TBC1D12: variants seen among roughly 807,000 people sequenced by gnomAD.
TBC1D12 encodes the protein TBC1 domain family member 12.
TBC1D12 carries 56 observed loss-of-function variants against 86.7 expected under a neutral mutation model. That is an observed-to-expected ratio of 0.65 (90% CI 0.52 to 0.81). The LOEUF (loss-of-function observed/expected upper bound fraction) is 0.81. Ranked by LOEUF, TBC1D12 falls within the 30% of genes least tolerant of loss-of-function variation. TBC1D12 has a pLI of 0.00. For missense variants in TBC1D12, 1,023 were observed against 1,038.8 expected (o/e 0.98, Z 0.21); for synonymous variants, 421 against 411.7 (o/e 1.02, Z -0.27).
At chr10:94,475,765 C>T (rs1356957675) in intron 3 of TBC1D12, among the ~76,000 whole-genome samples, 1 of 152,196 alleles carries the variant, frequency 6.6e-6, no homozygotes, top group African/African-American at 2.4e-5. Context: ...CTCAGCAAAA[C>T]ATCTTAAATT....
At chr10:94,440,268 A>C (rs1444175807) in intron 1 of TBC1D12, among the ~76,000 whole-genome samples, 1 of 151,850 alleles carries the variant, frequency 6.6e-6, no homozygotes, top group East Asian at 1.9e-4. Flanking sequence ...TCCTGGGCCC[A>C]AGTGATTGTC....
intron 1 of TBC1D12, among the ~76,000 whole-genome samples, chr10:94,421,899 T>C (rs2055079048): frequency 6.6e-6 from 1 of 152,350 alleles, no homozygotes; most frequent in African/African-American, 2.4e-5. Context: ...TGTTAAATTA[T>C]TTGAGTTCTT....
chr10:94,531,739 G>GTTATTTTATTTTATT (rs1310391369), intron 12 of TBC1D12, among the ~76,000 whole-genome samples: 1 of 82,792 alleles, frequency 1.2e-5, no homozygotes, highest in African/African-American at 4.0e-5. Flanking sequence ...TTTATGTTAT[G>GTTATTTTATTTTATT]TTATTTTATG....
chr10:94,428,755 G>T (rs558365465), intron 1 of TBC1D12, among the ~76,000 whole-genome samples: 1 of 152,104 alleles, frequency 6.6e-6, no homozygotes, highest in African/African-American at 2.4e-5. Context: ...CTGTTGCCCA[G>T]GCTGGAGTGC....
intron 1 of TBC1D12, among the ~76,000 whole-genome samples, chr10:94,429,401 C>A (rs1026120040): frequency 1.3e-5 from 2 of 151,882 alleles, no homozygotes; most frequent in Non-Finnish European, 2.9e-5. Context: ...AAAAACCCTA[C>A]TTTTTTTGCA....
intron 11 of TBC1D12, 100 bp from the exon 12 acceptor site, chr10:94,531,102 A>G: frequency 7.4e-7 from 1 of 1,345,838 alleles, no homozygotes; most frequent in Non-Finnish European, 1.0e-6. Flanking sequence ...TTGCCTTCTT[A>G]TCCCTAATTA....
intron 1 of TBC1D12, among the ~76,000 whole-genome samples, chr10:94,423,510 G>A (rs2134065538): frequency 6.6e-6 from 1 of 152,080 alleles, no homozygotes; most frequent in African/African-American, 2.4e-5. Flanking sequence ...ACCACGCCCG[G>A]CTAATTTTTT....
intron 2 of TBC1D12, among the ~76,000 whole-genome samples, chr10:94,457,093 T>C (rs1019463909): frequency 1.3e-5 from 2 of 152,198 alleles, no homozygotes; most frequent in African/African-American, 4.8e-5. Context: ...TTAACCTAAT[T>C]TAATTTAATT....
chr10:94,449,772 C>G (rs980109410), intron 2 of TBC1D12, among the ~76,000 whole-genome samples: 4 of 152,206 alleles, frequency 2.6e-5, no homozygotes, highest in Non-Finnish European at 4.4e-5. Flanking sequence ...TTTTGGCTCT[C>G]TCCTTGTCTT....
At chr10:94,525,874 C>T (rs773203970) in intron 11 of TBC1D12, among the ~76,000 whole-genome samples, 1 of 151,964 alleles carries the variant, frequency 6.6e-6, no homozygotes, top group Non-Finnish European at 1.5e-5. Context: ...TGTTTCTGTA[C>T]ATATAATGTA....
chr10:94,448,092 A>G (rs2055497049), intron 2 of TBC1D12, among the ~76,000 whole-genome samples: 1 of 152,084 alleles, frequency 6.6e-6, no homozygotes, highest in Admixed American at 6.5e-5. Context: ...AAATTTTGAC[A>G]GGCAAGGAAA....
intron 11 of TBC1D12, among the ~76,000 whole-genome samples, chr10:94,522,792 A>G (rs552827980): frequency 1.3e-5 from 2 of 151,796 alleles, no homozygotes; most frequent in African/African-American, 4.8e-5. Context: ...ACGGTGGCTC[A>G]TGCCTGTAAT....
Position 94,402,622 on chromosome 10 carries a change from T to C in TBC1D12, c.9T>C (p.Gly3=). The C allele has an allele frequency of 6.2e-7, 1 of 1,611,780 alleles. No homozygotes were observed. The highest frequency in any genetic ancestry group is 1.3e-5 in the African/African-American group (1 of 74,910). Residue 3 remains glycine, a synonymous_variant, in exon 1 of 13, where the codon GGT becomes GGC. Coordinates refer to ENST00000225235, the MANE Select transcript of TBC1D12 (RefSeq NM_015188.2). ...CCGCCACCCACCCCCAGATGGTGGG[T>C]CCGGAGGATGCCGGAGCCTGCTCGG... The part of the protein sequence containing the change: MV[G]PEDAGACSGR...
chr10:94,432,255 G>A (rs2055227731), intron 1 of TBC1D12, among the ~76,000 whole-genome samples: 3 of 152,022 alleles, frequency 2.0e-5, no homozygotes, highest in Non-Finnish European at 2.9e-5. Context: ...AGTAGATCGC[G>A]AGACAAGGGA....
intron 2 of TBC1D12, among the ~76,000 whole-genome samples, chr10:94,470,853 C>A (rs1480352746): frequency 1.3e-5 from 2 of 151,744 alleles, no homozygotes; most frequent in African/African-American, 4.9e-5. Context: ...TGAGCTCATA[C>A]AATGTTTTAA....
chr10:94,504,064 T>C (rs899246222), intron 6 of TBC1D12, among the ~76,000 whole-genome samples: 38 of 152,244 alleles, frequency 2.5e-4, no homozygotes, highest in African/African-American at 8.9e-4. Context: ...TACTTTTGCT[T>C]TCTGAGTTTG....
At chr10:94,518,179 C>A (rs775957974) in intron 9 of TBC1D12, among the ~76,000 whole-genome samples, 1 of 151,840 alleles carries the variant, frequency 6.6e-6, no homozygotes, top group Admixed American at 6.6e-5. Context: ...TCTCCTAGGA[C>A]TCTCCCTCAA....
rs1033530414 is a variant in TBC1D12, at chr10:94,493,274, T to A, written c.1212-91T>A. The A allele has an allele frequency of 1.6e-5, 15 of 926,942 alleles. 2 individuals carry two copies. The Admixed American group carries it at 2.4e-4, about 15-fold the overall frequency. 57.4% of individuals were successfully genotyped at this position (926,942 alleles called of 1,614,324 possible). A position where few individuals can be genotyped will look rare whatever the true frequency, so the allele number is the denominator to read the frequency against. ...TATGAAATGAGGTTAGTTTAGAAAT[T>A]CTTTGCATCTGGGTGTAAAAACAAA... On this transcript the variant is annotated intron_variant, in intron 3 of 12. Coordinates refer to ENST00000225235, the MANE Select transcript of TBC1D12 (RefSeq NM_015188.2).
Position 94,432,518 on chromosome 10 carries a change from C to G in TBC1D12, c.972-9378C>G, listed in dbSNP as rs560469510. Among the ~76,000 whole-genome samples the G allele has an allele frequency of 9.9e-5, 15 of 152,178 alleles. 1 individual carries two copies. In the South Asian group the frequency reaches 3.1e-3, roughly 32 times the overall value. On this transcript the variant is annotated intron_variant, in intron 1 of 12. Transcript: ENST00000225235. ...TTTGTGGCAGGGAATAACCTGAAAA[C>G]CCAATCCAAAATTTCCTAGTGGCAT... is the stretch of plus-strand genomic sequence containing the variant.
Sources: allele counts gnomAD v4.1 joint callset (sites outside exome capture counted in the v4.1 genomes callset), GRCh38; gene constraint gnomAD v4.1.1; transcripts MANE v1.5; gene names NCBI Gene and HGNC (gene_info 2026-07-23, HGNC 2026-07-21).